The following ZNF747 variants were observed in gnomAD, a reference collection of about 807,000 sequenced individuals.
ZNF747 encodes zinc finger protein 747.
A neutral mutation model predicts 13.4 loss-of-function variants in ZNF747; 14 were observed. The observed-to-expected ratio is 1.04, with a 90% CI of 0.69 to 1.63. ZNF747 has a LOEUF of 1.63. Among genes scored for constraint, ZNF747 ranks in the 40% most tolerant of loss-of-function variants. ZNF747 has a pLI of 0.00. For missense variants in ZNF747, 532 were observed against 477.9 expected (o/e 1.11, Z -1.05); for synonymous variants, 212 against 206.5 (o/e 1.03, Z -0.23).
chr16:30,532,529 C>G lies in ZNF747; in HGVS notation c.966G>C (p.Leu322=). The G allele has an allele frequency of 6.2e-7, 1 of 1,606,354 alleles. No individual in the cohort carries two copies. The highest frequency in any genetic ancestry group is 8.5e-7 in the Non-Finnish European group (1 of 1,177,682). Reference sequence around the variant, plus strand: ...CACATTCCTGGAATATCTCTGGATACAGCTGGAAGCCCACAGGCGGGTCCA... The same window carrying G: ...CACATTCCTGGAATATCTCTGGATAGAGCTGGAAGCCCACAGGCGGGTCCA... ...GDLDPPVGFQ[L]YPEIFQECG The change falls in exon 3 of 3, where the codon CTG becomes CTC. Residue 322 remains leucine, a synonymous_variant. Transcript: ENST00000693075.
At chr16:30,533,599 G>GTGGA (rs1370227054) in intron 2 of ZNF747, among the ~76,000 whole-genome samples, 3 of 152,082 alleles carry the variant, frequency 2.0e-5, no homozygotes, top group Non-Finnish European at 4.4e-5. Context: ...GGGTCATGAT[G>GTGGA]TGGAGGTAGA....
rs563353378 is a variant in ZNF747 at position 30,534,220 on chromosome 16, T to G, written c.320A>C (p.Lys107Thr). ...ACCTGGGTCCGCTTCTGTCGGACAC[T>G]TCGCCACCTCCGGATCCTGGGCAGC... is the stretch of plus-strand genomic sequence containing the variant. ...DPAAQDPEVAKCPTEADPADS... is the reference protein window; with the variant it reads ...DPAAQDPEVATCPTEADPADS... Residue 107 changes from lysine (K) to threonine (T), a missense_variant, in exon 2 of 3, where the codon AAG (lysine) becomes ACG (threonine). Lys to Thr is a moderately conservative substitution (Grantham distance 78). Coordinates refer to ENST00000693075, the MANE Select transcript of ZNF747 (RefSeq NM_001305018.2). The G allele has an allele frequency of 7.5e-5, 120 of 1,609,748 alleles. No homozygotes were observed. The Admixed American group carries it at 2.0e-3, about 27-fold the overall frequency.
In ZNF747 at chr16:30,534,554, C is replaced by T. The variant is rs1162705536; in HGVS notation, c.126G>A (p.Val42=). The change falls in exon 1 of 3, where the codon GTG becomes GTA. Residue 42 remains valine, a synonymous_variant. Transcript: ENST00000693075. ...ACTCCTCCCGGGAGAAGTACACGGCCACGTCGGCGAAGCTCACGGCCCCGG... is the reference window on the plus strand; with the variant it reads ...ACTCCTCCCGGGAGAAGTACACGGCTACGTCGGCGAAGCTCACGGCCCCGG... ...RKPGAVSFAD[V]AVYFSREEWG... 3.1e-6 allele frequency: 5 copies of T among 1,607,736 alleles called. No homozygotes were observed. Among genetic ancestry groups the T allele is most frequent in the Non-Finnish European group, 3.4e-6 (4 of 1,177,712 alleles).
chr16:30,534,083 T>A, intron 2 of ZNF747, 114 bp downstream of exon 2: 1 of 1,387,336 alleles, frequency 7.2e-7, no homozygotes, highest in East Asian at 2.6e-5. Flanking sequence ...TGGCCGCAGT[T>A]GAGGAGGCAG....
Position 30,532,972 on chromosome 16 carries a change from C to T in ZNF747, c.523G>A (p.Val175Ile), listed in dbSNP as rs1207299778. The T allele has an allele frequency of 1.9e-6, 3 of 1,606,528 alleles. No homozygotes were observed. The highest frequency in any genetic ancestry group is 2.5e-6 in the Non-Finnish European group (3 of 1,178,360). ...SRPRFFAHPP[V>I]PRADQRHGCY... The stretch of plus-strand genomic sequence containing the variant: ...CCGTGACGCTGGTCAGCTCGGGGGA[C>T]AGGGGGGTGGGCAAAAAAGCGGGGG... The change falls in exon 3 of 3, where the codon GTC becomes ATC. Residue 175 changes from valine to isoleucine, a missense_variant. Transcript: ENST00000693075.
chr16:30,532,925 G>A lies in ZNF747; in HGVS notation c.570C>T (p.Ser190=), dbSNP rs764796080. Residue 190 remains serine (S), a synonymous_variant, in exon 3 of 3, where the codon AGC becomes AGT. Coordinates refer to ENST00000693075, the MANE Select transcript of ZNF747 (RefSeq NM_001305018.2). ...QRHGCYVCGK[S]FAWRSTLVEH... ...CCACCAGTGTGGAGCGCCAGGCGAA[G>A]CTCTTCCCGCACACGTAGCAGCCGT... 30 of 1,604,536 alleles carry A rather than the reference G, an allele frequency of 1.9e-5. No individual in the cohort carries two copies. The highest frequency in any genetic ancestry group is 2.5e-5 in the Non-Finnish European group (29 of 1,177,682).
chr16:30,534,451 C>G lies in ZNF747; in HGVS notation c.229G>C (p.Gly77Arg). Reference protein sequence around the residue: ...RETYGHLGALGVGGSKPALIS... With the variant: ...RETYGHLGALRVGGSKPALIS... ...CCAGGCAAGCAGGTGGGGCTCTCAC[C>G]GAGCGCGCCCAGGTGGCCGTAGGTC... The change falls in exon 1 of 3, where the codon GGA (glycine) becomes CGA (arginine). Residue 77 changes from glycine (G) to arginine (R), a missense_variant and splice_region_variant. By Grantham distance (125) the Gly-to-Arg change is moderately radical. Transcript: ENST00000693075. 2 of 1,586,006 alleles carry G rather than the reference C, an allele frequency of 1.3e-6. No individual in the cohort carries two copies. The highest frequency in any genetic ancestry group is 1.8e-5 in the Admixed American group (1 of 56,076).
Position 30,532,680 on chromosome 16 carries a change from C to T in ZNF747, c.815G>A (p.Gly272Asp). 6.5e-7 allele frequency: 1 copy of T among 1,538,946 alleles called. No homozygotes were observed. The highest frequency in any genetic ancestry group is 1.4e-5 in the African/African-American group (1 of 73,184). The change falls in exon 3 of 3, where the codon GGC becomes GAC. Residue 272 changes from glycine (G) to aspartate (D), a missense_variant. Physicochemically the swap from Gly to Asp is moderately conservative, Grantham distance 94 (BLOSUM62 -1). Transcript: ENST00000693075. ...GEKPYRCPQC[G>D]RCFGLKTGMA... is the part of the protein sequence containing the mutation. ...GCCGGTCTTCAGGCCGAAGCAGCGG[C>T]CACACTGCGGGCAGCGGTAGGGCTT...
In ZNF747 at chr16:30,534,264, C is replaced by G. The variant is rs746589072; in HGVS notation, c.276G>C (p.Lys92Asn). 28 of 1,599,200 alleles carry G rather than the reference C, an allele frequency of 1.8e-5. No homozygotes were observed. In the Admixed American group the frequency reaches 4.6e-4, roughly 26 times the overall value. Residue 92 changes from lysine to asparagine, a missense_variant, in exon 2 of 3, where the codon AAG (lysine) becomes AAC (asparagine). Transcript: ENST00000693075. ...GGGCAGCCGGATCCCACAGTTCGGC[C>G]TTCTCCTCCACCCAGGAGATGAGCG... ...KPALISWVEE[K>N]AELWDPAAQD... is the part of the protein sequence containing the mutation.
chr16:30,534,406 G>A, intron 1 of ZNF747, 45 bp downstream of exon 1: 4 of 1,559,082 alleles, frequency 2.6e-6, no homozygotes, highest in Admixed American at 1.9e-5. Context: ...GGCGCGGCAG[G>A]GCCTGTGGAG....
chr16:30,533,274 C>G, intron 2 of ZNF747, 123 bp from the exon 3 acceptor site: 1 of 1,287,496 alleles, frequency 7.8e-7, no homozygotes, highest in Non-Finnish European at 1.1e-6. Context: ...AGGAGTGACA[C>G]CTGTTCCTCG....
Position 30,532,594 on chromosome 16 carries a change from C to T in ZNF747, c.901G>A (p.Gly301Arg). 4.5e-6 allele frequency: 7 copies of T among 1,564,678 alleles called. No individual in the cohort carries two copies. Among genetic ancestry groups the T allele is most frequent in the Non-Finnish European group, 6.0e-6 (7 of 1,158,392 alleles). The change falls in exon 3 of 3, where the codon GGG becomes AGG. Residue 301 changes from glycine (G) to arginine (R), a missense_variant. By Grantham distance (125) the Gly-to-Arg change is moderately radical. Transcript: ENST00000693075. ...GGEGRRGRRP[G>R]GLSVTLTPVR... ...GGAGTCAGGGTCACAGACAGCCCCCCAGGGCGCCGGCCCCTACGCCCCTCG... is the reference window on the plus strand; with the variant it reads ...GGAGTCAGGGTCACAGACAGCCCCCTAGGGCGCCGGCCCCTACGCCCCTCG...
chr16:30,532,673 G>C lies in ZNF747; in HGVS notation c.822C>G (p.Cys274Trp). 6.5e-7 allele frequency: 1 copy of C among 1,539,110 alleles called. No individual in the cohort carries two copies. Among genetic ancestry groups the C allele is most frequent in the Non-Finnish European group, 8.7e-7 (1 of 1,146,882 alleles). ...KPYRCPQCGRCFGLKTGMAKH... is the reference protein window; with the variant it reads ...KPYRCPQCGRWFGLKTGMAKH... ...TGGCCATGCCGGTCTTCAGGCCGAA[G>C]CAGCGGCCACACTGCGGGCAGCGGT... The change falls in exon 3 of 3, where the codon TGC (cysteine) becomes TGG (tryptophan). Residue 274 changes from cysteine (C) to tryptophan (W), a missense_variant. Coordinates refer to ENST00000693075, the MANE Select transcript of ZNF747 (RefSeq NM_001305018.2).
rs1382117655 is a variant in ZNF747, at chr16:30,530,520, A to G, written c.*1979T>C. ...ACTGAGATGTACACTGGAAATTAAAACCTGGTACAAAGGTATCTCCTACTG... is the reference window on the plus strand; with the variant it reads ...ACTGAGATGTACACTGGAAATTAAAGCCTGGTACAAAGGTATCTCCTACTG... On this transcript the variant is annotated 3_prime_UTR_variant, in exon 3 of 3. Coordinates refer to ENST00000693075, the MANE Select transcript of ZNF747 (RefSeq NM_001305018.2). The surrounding 1 kb of genome is among the most constrained non-coding windows in gnomAD (Gnocchi z 4.4). The G allele has an allele frequency of 1.3e-5, 2 of 152,094 alleles. No homozygotes were observed. The highest frequency in any genetic ancestry group is 2.4e-5 in the African/African-American group (1 of 41,388). The allele number at this position is 152,094 out of a possible 1,614,324, so 9.4% of individuals were successfully genotyped here. A position where few individuals can be genotyped will look rare whatever the true frequency, so the allele number is the denominator to read the frequency against.
Position 30,532,690 on chromosome 16 carries a change from G to A in ZNF747, c.805C>T (p.Pro269Ser). 4 of 1,538,796 alleles carry A rather than the reference G, an allele frequency of 2.6e-6. No homozygotes were observed. The highest frequency in any genetic ancestry group is 3.5e-6 in the Non-Finnish European group (4 of 1,146,802). Residue 269 changes from proline to serine, a missense_variant, in exon 3 of 3, where the codon CCG becomes TCG. By Grantham distance (74) the Pro-to-Ser change is moderately conservative. Coordinates refer to ENST00000693075, the MANE Select transcript of ZNF747 (RefSeq NM_001305018.2). The part of the protein sequence containing the change: ...VHTGEKPYRC[P>S]QCGRCFGLKT... The stretch of plus-strand genomic sequence containing the variant: ...AGGCCGAAGCAGCGGCCACACTGCG[G>A]GCAGCGGTAGGGCTTCTCGCCAGTG...
At chr16:30,533,543 G>C (rs78245270) in intron 2 of ZNF747, among the ~76,000 whole-genome samples, 2 of 152,064 alleles carry the variant, frequency 1.3e-5, no homozygotes, top group African/African-American at 2.4e-5. Context: ...ATGGGAGGGC[G>C]GGATGTGGGG....
In ZNF747 at chr16:30,534,096, C is replaced by G. The variant is rs540517881; in HGVS notation, c.343+101G>C. The G allele has an allele frequency of 4.3e-5, 62 of 1,439,122 alleles. No homozygotes were observed. The South Asian group carries it at 8.8e-4, about 20-fold the overall frequency. The allele number at this position is 1,439,122 out of a possible 1,614,324, so 89.1% of individuals were successfully genotyped here. A position where few individuals can be genotyped will look rare whatever the true frequency, so the allele number is the denominator to read the frequency against. ...CCTGGCCGCAGTTGAGGAGGCAGTT[C>G]AGAGAGGAAACTGCTAAGCAGGTAG... On this transcript the variant is annotated intron_variant, in intron 2 of 2. Transcript: ENST00000693075.
At chr16:30,533,297 G>C in intron 2 of ZNF747, 146 bp from the exon 3 acceptor site, 1 of 1,101,066 alleles carries the variant, frequency 9.1e-7, no homozygotes, top group Non-Finnish European at 1.3e-6. Context: ...TGCAGAGCCA[G>C]ACAGAGCCTG....
rs1279241729 is a variant in ZNF747, at chr16:30,530,429, T to G, written c.*2070A>C. On this transcript the variant is annotated 3_prime_UTR_variant, in exon 3 of 3. Transcript: ENST00000693075. The surrounding 1 kb of genome is among the most constrained non-coding windows in gnomAD (Gnocchi z 4.4). ...GGGCCAAGATCTATCTGGCTGTCAG[T>G]CTGGGCTGAGAACTGGTGTTGCAAG... The G allele has an allele frequency of 6.6e-6, 1 of 152,360 alleles. No individual in the cohort carries two copies. Among genetic ancestry groups the G allele is most frequent in the Admixed American group, 6.5e-5 (1 of 15,298 alleles). 9.4% of individuals were successfully genotyped at this position (152,360 alleles called of 1,614,324 possible).
Sources: gnomAD v4.1 joint callset for allele counts (sites outside exome capture counted in the v4.1 genomes callset) on GRCh38, gnomAD v4.1.1 for gene constraint, Gnocchi (gnomAD v3.1) non-coding constraint, MANE v1.5 for transcripts, NCBI Gene and HGNC (gene_info 2026-07-23, HGNC 2026-07-21) for gene names.